The following DAAM1 variants were observed in gnomAD, a reference collection of about 807,000 sequenced individuals.
The protein encoded by DAAM1 is disheveled-associated activator of morphogenesis 1.
A neutral mutation model predicts 130.0 loss-of-function variants in DAAM1; 52 were observed. The observed-to-expected ratio is 0.40, with a 90% CI of 0.32 to 0.50. The LOEUF (loss-of-function observed/expected upper bound fraction) is 0.50, where lower values mean the gene tolerates loss of function less well. Ranked by LOEUF, DAAM1 falls within the 20% of genes least tolerant of loss-of-function variation. The probability of loss-of-function intolerance (pLI) is 0.61; values close to 1 mark genes in which losing one functional copy is unlikely to be tolerated. For missense variants in DAAM1, 1,134 were observed against 1,303.8 expected, an observed-to-expected ratio of 0.87 and a Z score of 2.01; for synonymous variants, 452 against 444.5, an observed-to-expected ratio of 1.02 and a Z score of -0.21.
chr14:59,255,914 A>C (rs537514564), intron 1 of DAAM1, among the ~76,000 whole-genome samples: 1 of 152,110 alleles, frequency 6.6e-6, no homozygotes, highest in African/African-American at 2.4e-5. Flanking sequence ...GGATGTAAAA[A>C]CTCTCACAAC....
rs1419088359 is a variant in DAAM1, at chr14:59,276,504, A to G, written c.183+12844A>G. ...TGGTAGTGTTGAGTTGTGGGGTGGG[A>G]GGAGAGGGTTAAACTCAGAAAAGGC... is the stretch of plus-strand genomic sequence containing the variant. On this transcript the variant is annotated intron_variant, in intron 2 of 24. Coordinates refer to ENST00000360909, the MANE Select transcript of DAAM1 (RefSeq NM_001270520.2). 2.6e-5 allele frequency among the ~76,000 whole-genome samples: 4 copies of G among 152,062 alleles called. 1 individual carries two copies. In the East Asian group the frequency reaches 7.7e-4, roughly 29 times the overall value.
intron 1 of DAAM1, among the ~76,000 whole-genome samples, chr14:59,259,606 C>T (rs752665173): frequency 3.3e-5 from 5 of 152,126 alleles, no homozygotes; most frequent in Non-Finnish European, 7.4e-5. Flanking sequence ...GGGACACTGG[C>T]CTGGCTTCTG....
chr14:59,191,986 G>A (rs1028010473), intron 1 of DAAM1, among the ~76,000 whole-genome samples: 31 of 152,194 alleles, frequency 2.0e-4, no homozygotes, highest in African/African-American at 7.2e-4. Flanking sequence ...TGATTCTGTG[G>A]GTTTTCAGGA....
At chr14:59,341,703 T>G (rs1227788525) in intron 16 of DAAM1, among the ~76,000 whole-genome samples, 2 of 152,232 alleles carry the variant, frequency 1.3e-5, no homozygotes, top group Non-Finnish European at 2.9e-5. Flanking sequence ...GGAAGACTGC[T>G]GTACAGTGTA....
At chr14:59,303,867 T>A (rs1884275839) in intron 3 of DAAM1, among the ~76,000 whole-genome samples, 1 of 152,096 alleles carries the variant, frequency 6.6e-6, no homozygotes, top group Admixed American at 6.5e-5. Flanking sequence ...ACGACTGTAC[T>A]TCAGCCTAAG....
chr14:59,251,617 TAATC>T (rs1881646294), intron 1 of DAAM1, among the ~76,000 whole-genome samples: 1 of 152,126 alleles, frequency 6.6e-6, no homozygotes, highest in East Asian at 1.9e-4. Flanking sequence ...TTAATGCCTT[TAATC>T]ATCAGAGAAG....
intron 3 of DAAM1, among the ~76,000 whole-genome samples, chr14:59,293,434 G>C (rs980739503): frequency 2.0e-5 from 3 of 152,152 alleles, no homozygotes; most frequent in African/African-American, 7.2e-5. Context: ...ATGATGGGGG[G>C]TTTGCTTCTT....
chr14:59,350,460 T>TAC (rs3047886), intron 17 of DAAM1, among the ~76,000 whole-genome samples: 13 of 150,486 alleles, frequency 8.6e-5, no homozygotes, highest in Admixed American at 1.3e-4. Flanking sequence ...ACACGCCCCT[T>TAC]ACACACACAC....
At chr14:59,238,900 A>C (rs1889390373) in intron 1 of DAAM1, among the ~76,000 whole-genome samples, 1 of 152,210 alleles carries the variant, frequency 6.6e-6, no homozygotes, top group South Asian at 2.1e-4. Context: ...TCAGAGAAGG[A>C]GCCTAAGGCT....
At chr14:59,231,799 G>A (rs150332679) in intron 1 of DAAM1, among the ~76,000 whole-genome samples, 84 of 152,270 alleles carry the variant, frequency 5.5e-4, no homozygotes, top group Non-Finnish European at 9.6e-4. Flanking sequence ...GGTCAACACC[G>A]AGGAGGTCTA....
At chr14:59,237,797 G>T (rs1294627045) in intron 1 of DAAM1, among the ~76,000 whole-genome samples, 1 of 152,096 alleles carries the variant, frequency 6.6e-6, no homozygotes, top group Non-Finnish European at 1.5e-5. Flanking sequence ...ACAGTCTCTG[G>T]ACTCACTTTT....
At chr14:59,305,628 C>G (rs1413477386) in intron 3 of DAAM1, among the ~76,000 whole-genome samples, 1 of 152,138 alleles carries the variant, frequency 6.6e-6, no homozygotes, top group Non-Finnish European at 1.5e-5. Flanking sequence ...CTAACCACCC[C>G]CCAACTCCTT....
At chr14:59,336,867 A>G (rs1229270053) in intron 15 of DAAM1, among the ~76,000 whole-genome samples, 3 of 152,208 alleles carry the variant, frequency 2.0e-5, no homozygotes, top group East Asian at 3.8e-4. Context: ...GTCAGGTACT[A>G]TACACAACGC....
intron 1 of DAAM1, among the ~76,000 whole-genome samples, chr14:59,228,122 T>TA (rs1888997033): frequency 6.6e-6 from 1 of 152,102 alleles, no homozygotes; most frequent in Admixed American, 6.6e-5. Context: ...TTCTAAATCT[T>TA]AAGGGAAGAA....
At chr14:59,234,816 G>A (rs1889238058) in intron 1 of DAAM1, among the ~76,000 whole-genome samples, 1 of 151,802 alleles carries the variant, frequency 6.6e-6, no homozygotes, top group Non-Finnish European at 1.5e-5. Context: ...CCTAGTTTAT[G>A]AGAGTTTTTA....
chr14:59,294,188 A>G (rs967438473), intron 3 of DAAM1, among the ~76,000 whole-genome samples: 2 of 152,208 alleles, frequency 1.3e-5, no homozygotes, highest in African/African-American at 4.8e-5. Context: ...GTAAAAATGA[A>G]CAGAAGTTGT....
chr14:59,189,670 C>T (rs1265346629), intron 1 of DAAM1, among the ~76,000 whole-genome samples: 1 of 152,156 alleles, frequency 6.6e-6, no homozygotes, highest in Non-Finnish European at 1.5e-5. Flanking sequence ...CGGGTTTACC[C>T]AGCTGGTTCT....
chr14:59,344,219 G>T (rs1197506756), intron 16 of DAAM1, among the ~76,000 whole-genome samples: 1 of 152,184 alleles, frequency 6.6e-6, no homozygotes, highest in Non-Finnish European at 1.5e-5. Flanking sequence ...AAAGTAGGGG[G>T]ATTTGGCCTA....
At chr14:59,244,720 C>T (rs1236371066) in intron 1 of DAAM1, among the ~76,000 whole-genome samples, 1 of 152,046 alleles carries the variant, frequency 6.6e-6, no homozygotes, top group Admixed American at 6.6e-5. Flanking sequence ...TGAATGTGTA[C>T]GTGTGGTGTG....
Sources: allele counts gnomAD v4.1 joint callset (sites outside exome capture counted in the v4.1 genomes callset), GRCh38; gene constraint gnomAD v4.1.1; transcripts MANE v1.5; gene names NCBI Gene and HGNC (gene_info 2026-07-23, HGNC 2026-07-21).